The following CNTNAP5 variants were observed in gnomAD, a reference collection of about 807,000 sequenced individuals.
The protein encoded by CNTNAP5 is contactin-associated protein-like 5.
Under a neutral mutation model 150.2 loss-of-function variants are expected in CNTNAP5, and 72 were observed. That is an observed-to-expected ratio of 0.48 (90% confidence interval 0.40 to 0.58). The LOEUF (loss-of-function observed/expected upper bound fraction) is 0.58, where lower values mean the gene tolerates loss of function less well. Ranked by LOEUF, CNTNAP5 falls within the 20% of genes least tolerant of loss-of-function variation. The pLI is 0.00. For synonymous variants in CNTNAP5, 672 were observed against 619.8 expected (o/e 1.08, Z -1.25); for missense variants, 1,636 against 1,626.2 (o/e 1.01, Z -0.10).
At chr2:124,172,958 C>T (rs11692651) in intron 1 of CNTNAP5, among the ~76,000 whole-genome samples, 117,546 of 152,000 alleles carry the variant, frequency 0.77, 46,079 homozygotes, top group Non-Finnish European at 0.8. Flanking sequence ...ATTGGCACCA[C>T]CTTTCCAATA....
chr2:124,047,824 T>C (rs993860668), intron 1 of CNTNAP5, among the ~76,000 whole-genome samples: 1 of 152,158 alleles, frequency 6.6e-6, no homozygotes, highest in Non-Finnish European at 1.5e-5. Context: ...TAGACAGTGT[T>C]CAATAGTGGT....
In CNTNAP5 at chr2:124,902,987, T is replaced by G. The variant is rs774404329; in HGVS notation, c.3542T>G (p.Leu1181Arg). 3.1e-6 allele frequency: 5 copies of G among 1,612,750 alleles called. No homozygotes were observed. The highest frequency in any genetic ancestry group is 4.2e-6 in the Non-Finnish European group (5 of 1,179,420). Residue 1181 changes from leucine to arginine, a missense_variant, in exon 22 of 24, where the codon CTG (leucine) becomes CGG (arginine). Physicochemically the swap from Leu to Arg is moderately radical, Grantham distance 102. Transcript: ENST00000682447. ...YNHIAPLKAA[L>R]RHATVAPVTV... ...CACATAGCACCACTGAAGGCTGCCC[T>G]GCGCCATGCCACTGTCGCGCCTGTG...
intron 1 of CNTNAP5, among the ~76,000 whole-genome samples, chr2:124,151,696 T>A (rs145729242): frequency 2.0e-4 from 31 of 152,336 alleles, no homozygotes; most frequent in African/African-American, 6.3e-4. Context: ...AGGACCTAGC[T>A]CTATGGAGTT....
intron 1 of CNTNAP5, among the ~76,000 whole-genome samples, chr2:124,052,380 G>A (rs1187661421): frequency 6.6e-6 from 1 of 152,206 alleles, no homozygotes; most frequent in African/African-American, 2.4e-5. Flanking sequence ...CAGGAGCGAG[G>A]AAATGCTCAG....
intron 6 of CNTNAP5, among the ~76,000 whole-genome samples, chr2:124,464,036 A>G (rs1693317452): frequency 6.6e-6 from 1 of 152,180 alleles, no homozygotes; most frequent in African/African-American, 2.4e-5. Flanking sequence ...CGATATATAA[A>G]CATGATCAAT....
At chr2:124,058,273 C>T (rs1249567441) in intron 1 of CNTNAP5, among the ~76,000 whole-genome samples, 2 of 152,158 alleles carry the variant, frequency 1.3e-5, no homozygotes, top group Non-Finnish European at 2.9e-5. Flanking sequence ...TAAGGTTTTG[C>T]ATAATCCAGC....
At chr2:124,285,361 T>C (rs1345308051) in intron 3 of CNTNAP5, among the ~76,000 whole-genome samples, 1 of 152,134 alleles carries the variant, frequency 6.6e-6, no homozygotes, top group Non-Finnish European at 1.5e-5. Flanking sequence ...AGAAGCGAGA[T>C]TAACTATATA....
intron 1 of CNTNAP5, among the ~76,000 whole-genome samples, chr2:124,161,664 A>G (rs1684681889): frequency 6.6e-6 from 1 of 152,228 alleles, no homozygotes. Flanking sequence ...AAAGAAAATG[A>G]TTTTGAAAGA....
intron 13 of CNTNAP5, among the ~76,000 whole-genome samples, chr2:124,695,320 G>T (rs956336222): frequency 1.3e-5 from 2 of 152,120 alleles, no homozygotes; most frequent in Admixed American, 6.5e-5. Flanking sequence ...TGCAGTCAAA[G>T]GACAGAAAAT....
intron 3 of CNTNAP5, among the ~76,000 whole-genome samples, chr2:124,381,902 G>A (rs1042076136): frequency 4.6e-5 from 7 of 152,060 alleles, no homozygotes; most frequent in South Asian, 2.1e-4. Context: ...GGGAAGAGGC[G>A]TGAAGCAAAC....
chr2:124,560,381 T>A (rs1235338333), intron 10 of CNTNAP5, among the ~76,000 whole-genome samples: 1 of 151,938 alleles, frequency 6.6e-6, no homozygotes. Flanking sequence ...TAGCTGGGCA[T>A]GGTGGCAGGC....
At chr2:124,134,724 T>G (rs1005277102) in intron 1 of CNTNAP5, among the ~76,000 whole-genome samples, 3 of 152,182 alleles carry the variant, frequency 2.0e-5, no homozygotes, top group African/African-American at 7.2e-5. Context: ...ACCTAGTTTT[T>G]TACATGTACT....
chr2:124,550,013 A>G (rs1695594050), intron 10 of CNTNAP5, among the ~76,000 whole-genome samples: 1 of 152,212 alleles, frequency 6.6e-6, no homozygotes, highest in Non-Finnish European at 1.5e-5. Context: ...AGTGCAGTGT[A>G]ACATCATTCC....
chr2:124,376,600 TGCTA>T (rs978151405), intron 3 of CNTNAP5, among the ~76,000 whole-genome samples: 4 of 152,062 alleles, frequency 2.6e-5, no homozygotes. Flanking sequence ...AAGTTGAATG[TGCTA>T]GCTATTTTAT....
At chr2:124,171,079 C>T (rs983158788) in intron 1 of CNTNAP5, among the ~76,000 whole-genome samples, 1 of 152,118 alleles carries the variant, frequency 6.6e-6, no homozygotes, top group Non-Finnish European at 1.5e-5. Context: ...ATAGTAACAA[C>T]CCCATATGGC....
At chr2:124,717,432 G>A (rs569862360) in intron 13 of CNTNAP5, among the ~76,000 whole-genome samples, 2 of 152,308 alleles carry the variant, frequency 1.3e-5, no homozygotes, top group African/African-American at 2.4e-5. Context: ...CTGCCTAGAG[G>A]CATTCAATAA....
intron 1 of CNTNAP5, among the ~76,000 whole-genome samples, chr2:124,153,860 G>A (rs559785272): frequency 9.9e-5 from 15 of 151,710 alleles, no homozygotes; most frequent in South Asian, 2.1e-4. Flanking sequence ...TGATCCACCC[G>A]CCTCGGCCTC....
intron 19 of CNTNAP5, among the ~76,000 whole-genome samples, chr2:124,862,124 T>G (rs1677538786): frequency 6.6e-6 from 1 of 152,246 alleles, no homozygotes; most frequent in African/African-American, 2.4e-5. Context: ...CAGTTTTATT[T>G]TTAAACTAAG....
At chr2:124,837,286 A>T (rs985907152) in intron 19 of CNTNAP5, among the ~76,000 whole-genome samples, 3 of 152,134 alleles carry the variant, frequency 2.0e-5, no homozygotes, top group African/African-American at 7.2e-5. Flanking sequence ...GGCATGTGAC[A>T]CTAAGTGCCA....
Sources: allele counts gnomAD v4.1 joint callset (sites outside exome capture counted in the v4.1 genomes callset), GRCh38; gene constraint gnomAD v4.1.1; transcripts MANE v1.5; gene names NCBI Gene and HGNC (gene_info 2026-07-23, HGNC 2026-07-21).